The following DNAH2 variants were observed in gnomAD, a reference collection of about 807,000 sequenced individuals.
The protein encoded by DNAH2 is dynein axonemal heavy chain 2.
In DNAH2, 323 loss-of-function variants were observed where a neutral mutation model predicts 523.5. That is an observed-to-expected ratio of 0.62 (90% CI 0.56 to 0.68). The LOEUF (loss-of-function observed/expected upper bound fraction) is 0.68, where lower values mean the gene tolerates loss of function less well. DNAH2 is among the 30% of genes least tolerant of loss of function. DNAH2 has a pLI of 0.00. For missense variants in DNAH2, 4,907 were observed against 5,701.5 expected (o/e 0.86, Z 4.49); for synonymous variants, 2,093 against 2,177.4 (o/e 0.96, Z 1.08).
chr17:7,771,531 G>T, intron 28 of DNAH2, 63 bp downstream of exon 28: 2 of 1,582,270 alleles, frequency 1.3e-6, no homozygotes, highest in Non-Finnish European at 1.7e-6. Context: ...GGTCATGGTT[G>T]CGTGCTTCAT....
In DNAH2 at chr17:7,757,166, C is replaced by G. The variant is rs200940396; in HGVS notation, c.1980C>G (p.Asn660Lys). 2.5e-6 allele frequency: 4 copies of G among 1,614,172 alleles called. No homozygotes were observed. In the South Asian group the frequency reaches 4.4e-5, roughly 18 times the overall value. The change falls in exon 13 of 86, where the codon AAC becomes AAG. Residue 660 changes from asparagine to lysine, a missense_variant. Physicochemically the swap from Asn to Lys is moderately conservative, Grantham distance 94. This residue lies in a region of DNAH2 where 2,806 missense variants were observed against 3,190.8 expected (regional missense o/e 0.88). Coordinates refer to ENST00000572933, the MANE Select transcript of DNAH2 (RefSeq NM_020877.5). ...TTGAGACGCCCCATTACGTGGTGAA[C>G]GTAGCTGAGCGAGCCGAGGACCTGC... ...LLFETPHYVV[N>K]VAERAEDLRI...
rs1325988297 is a variant in DNAH2, at chr17:7,820,953, C to T, written c.11016-290C>T. Among the ~76,000 whole-genome samples, 5 of 152,094 alleles carry T rather than the reference C, an allele frequency of 3.3e-5. 1 individual carries two copies. Among genetic ancestry groups the T allele is most frequent in the South Asian group, 4.1e-4 (2 of 4,824 alleles). The stretch of plus-strand genomic sequence containing the variant: ...GCTTGGGAGCCTGACGCAGGAGAAT[C>T]GCTTGAACCTGGGAGGTGGAGGTTG... On this transcript the variant is annotated intron_variant, in intron 72 of 85. Transcript: ENST00000572933.
Position 7,833,490 on chromosome 17 carries a change from G to C in DNAH2, c.13241G>C (p.Trp4414Ser). Reference protein sequence around the residue: ...LRSGAMTPDHWIKRGTALLMS... With the variant: ...LRSGAMTPDHSIKRGTALLMS... ...TCTGGGGCCATGACACCTGATCATT[G>C]GATCAAGAGGGGCACTGCTCTACTC... The change falls in exon 86 of 86, where the codon TGG becomes TCG. Residue 4414 changes from tryptophan (W) to serine (S), a missense_variant. Physicochemically the swap from Trp to Ser is radical, Grantham distance 177 (BLOSUM62 -3). This residue lies in a region of DNAH2 where 1,851 missense variants were observed against 2,139.4 expected (regional missense o/e 0.87). Transcript: ENST00000572933. 6.2e-7 allele frequency: 1 copy of C among 1,614,074 alleles called. No individual in the cohort carries two copies. The highest frequency in any genetic ancestry group is 1.1e-5 in the South Asian group (1 of 91,082).
chr17:7,725,255 C>T (rs1355063883), intron 3 of DNAH2, among the ~76,000 whole-genome samples: 1 of 144,632 alleles, frequency 6.9e-6, no homozygotes, highest in Non-Finnish European at 1.5e-5. Context: ...ATGCTGGGGT[C>T]ATTTTTGTAT....
intron 8 of DNAH2, chr17:7,739,099 G>T: frequency 1.5e-6 from 1 of 674,026 alleles, no homozygotes; most frequent in East Asian, 2.8e-5. Context: ...GGGCAAACGG[G>T]GCAGAGGCTA....
Position 7,778,087 on chromosome 17 carries a change from A to G in DNAH2, c.5258A>G (p.Asp1753Gly), listed in dbSNP as rs2076505240. 2 of 1,613,820 alleles carry G rather than the reference A, an allele frequency of 1.2e-6. No homozygotes were observed. Among genetic ancestry groups the G allele is most frequent in the Middle Eastern group, 1.6e-4 (1 of 6,062 alleles). ...CGCTGTTTTCCCCAGGATCTTGATG[A>G]CTGTGTCATCCGCCAGACCAACACG... ...LRFYWEKDLD[D>G]CVIRQTNTQF... Residue 1753 changes from aspartate (D) to glycine (G), a missense_variant, in exon 34 of 86, where the codon GAC becomes GGC. By Grantham distance (94) the Asp-to-Gly change is moderately conservative. Around this residue, in one of 3 missense-constraint regions of DNAH2, gnomAD observed 2,806 missense variants for 3,190.8 expected, o/e 0.88. Coordinates refer to ENST00000572933, the MANE Select transcript of DNAH2 (RefSeq NM_020877.5).
At position 7,830,652 on chromosome 17, in the gene DNAH2, G is replaced by A. The variant is rs1035242264; in HGVS notation, c.12046-6G>A. The A allele has an allele frequency of 6.2e-7, 1 of 1,614,070 alleles. No homozygotes were observed. Among genetic ancestry groups the A allele is most frequent in the Non-Finnish European group, 8.5e-7 (1 of 1,179,944 alleles). On this transcript the variant is annotated splice_polypyrimidine_tract_variant and splice_region_variant and intron_variant, in intron 78 of 85. Transcript: ENST00000572933. ...GAATGGGGGCTTGGGCTGGGATCATGCCTAGGTGTCAGAAAACTTGCTGAG... is the reference window on the plus strand; with the variant it reads ...GAATGGGGGCTTGGGCTGGGATCATACCTAGGTGTCAGAAAACTTGCTGAG...
rs1555540880 is a variant in DNAH2 at position 7,741,323 on chromosome 17, CTCCTTCCT to C, written c.1689+361_1689+368del. On this transcript the variant is annotated intron_variant, in intron 11 of 85. Coordinates refer to ENST00000572933, the MANE Select transcript of DNAH2 (RefSeq NM_020877.5). ...CTTCCTTCCCTCCCTCCCTCCCTCC[CTCCTTCCT>C]TCCTTCCTTCCTTCCTTCCTTCCTT... Among the ~76,000 whole-genome samples, 39 of 59,354 alleles carry C rather than the reference CTCCTTCCT, an allele frequency of 6.6e-4. 1 individual carries two copies. The highest frequency in any genetic ancestry group is 3.4e-3 in the African/African-American group (37 of 10,726). 38.9% of individuals were successfully genotyped at this position (59,354 alleles called of 152,430 possible). A position where few individuals can be genotyped will look rare whatever the true frequency, so the allele number is the denominator to read the frequency against.
chr17:7,818,069 A>G lies in DNAH2; in HGVS notation c.10360A>G (p.Met3454Val), dbSNP rs780750533. 3.0e-5 allele frequency: 49 copies of G among 1,612,922 alleles called. No individual in the cohort carries two copies. Among genetic ancestry groups the G allele is most frequent in the Non-Finnish European group, 3.9e-5 (46 of 1,180,036 alleles). ...QEYLDPTLNP[M>V]LNKSVARIGG... The stretch of plus-strand genomic sequence containing the variant: ...ATATCTGGACCCCACACTGAACCCC[A>G]TGCTCAACAAATCTGTAGCCCGAAT... The change falls in exon 68 of 86, where the codon ATG becomes GTG. Residue 3454 changes from methionine (M) to valine (V), a missense_variant. Physicochemically the swap from Met to Val is conservative, Grantham distance 21 (BLOSUM62 1). Around this residue, in one of 3 missense-constraint regions of DNAH2, gnomAD observed 1,851 missense variants for 2,139.4 expected, o/e 0.87. Coordinates refer to ENST00000572933, the MANE Select transcript of DNAH2 (RefSeq NM_020877.5).
Position 7,824,202 on chromosome 17 carries a change from C to T in DNAH2, c.11560C>T (p.Leu3854=). The change falls in exon 76 of 86, where the codon CTG becomes TTG. Residue 3854 remains leucine, a synonymous_variant. Transcript: ENST00000572933. ...GVDPTSALLQ[L]AEHMGMAQRF... ...GGACCCCACCAGTGCCCTGCTGCAGCTGGCAGAGCACATGGGCATGGCCCA... is the reference window on the plus strand; with the variant it reads ...GGACCCCACCAGTGCCCTGCTGCAGTTGGCAGAGCACATGGGCATGGCCCA... 6.2e-7 allele frequency: 1 copy of T among 1,606,850 alleles called. No homozygotes were observed. The highest frequency in any genetic ancestry group is 8.5e-7 in the Non-Finnish European group (1 of 1,178,168).
rs1232242848 is a variant in DNAH2, at chr17:7,754,362, G to A, written c.1905-2729G>A. ...AGGCAGCCCAGGCTTCCGGTTCTAGGTGCTTCAGGAGCCGTGGCTTAAGGT... is the reference window on the plus strand; with the variant it reads ...AGGCAGCCCAGGCTTCCGGTTCTAGATGCTTCAGGAGCCGTGGCTTAAGGT... On this transcript the variant is annotated intron_variant, in intron 12 of 85. Transcript: ENST00000572933. This position sits in a 1 kb window ranked among gnomAD's most constrained non-coding sequence, Gnocchi z 4.6. 4.1e-6 allele frequency: 2 copies of A among 491,374 alleles called. No individual in the cohort carries two copies. The highest frequency in any genetic ancestry group is 3.6e-6 in the Non-Finnish European group (1 of 277,916). 30.4% of individuals were successfully genotyped at this position (491,374 alleles called of 1,614,324 possible).
In DNAH2 at chr17:7,765,438, A is replaced by G; in HGVS notation, c.3384A>G (p.Gln1128=). Residue 1128 remains glutamine, a synonymous_variant, in exon 21 of 86, where the codon CAA becomes CAG. Transcript: ENST00000572933. ...TCAACGGGGAGTGGGTTGTCTTCCA[A>G]CAAACTCTGCTGGACAGTAAGCAAA... ...DSLNGEWVVF[Q]QTLLDSKQML... is the part of the protein sequence containing the mutation. The G allele has an allele frequency of 6.2e-7, 1 of 1,614,236 alleles. No individual in the cohort carries two copies. The highest frequency in any genetic ancestry group is 8.5e-7 in the Non-Finnish European group (1 of 1,180,036).
In DNAH2 at chr17:7,804,409, T is replaced by C; in HGVS notation, c.9126T>C (p.Cys3042=). 1 of 1,614,118 alleles carries C rather than the reference T, an allele frequency of 6.2e-7. No homozygotes were observed. The highest frequency in any genetic ancestry group is 1.3e-5 in the African/African-American group (1 of 75,028). ...AGGTGGCTGAGTTCCAGAAGCAGTGTGAGGAGTACCTGGTCATCATTGTGC... is the reference window on the plus strand; with the variant it reads ...AGGTGGCTGAGTTCCAGAAGCAGTGCGAGGAGTACCTGGTCATCATTGTGC... ...KKKVAEFQKQ[C]EEYLVIIVQQ... Residue 3042 remains cysteine (C), a synonymous_variant, in exon 59 of 86, where the codon TGT becomes TGC. Transcript: ENST00000572933.
At chr17:7,738,620 C>G (rs1209094361) in intron 8 of DNAH2, among the ~76,000 whole-genome samples, 1 of 152,206 alleles carries the variant, frequency 6.6e-6, no homozygotes, top group Non-Finnish European at 1.5e-5. Context: ...TGAGCCACCA[C>G]GCCCTGCCTG....
At chr17:7,826,837 G>A (rs950716282) in intron 77 of DNAH2, among the ~76,000 whole-genome samples, 1 of 151,966 alleles carries the variant, frequency 6.6e-6, no homozygotes, top group African/African-American at 2.4e-5. Context: ...ACCGCACCCG[G>A]CCCATCATCC....
At position 7,832,288 on chromosome 17, in the gene DNAH2, A is replaced by T. The variant is rs977726961; in HGVS notation, c.12727-291A>T. On this transcript the variant is annotated intron_variant, in intron 82 of 85. Coordinates refer to ENST00000572933, the MANE Select transcript of DNAH2 (RefSeq NM_020877.5). The surrounding 1 kb of genome is among the most constrained non-coding windows in gnomAD (Gnocchi z 4.3). ...TTTGGGAGGCTGAGGCGGGCAGATC[A>T]CCTGAGTTTAGGAGTTTGAGACCAG... is the stretch of plus-strand genomic sequence containing the variant. Among the ~76,000 whole-genome samples, 1 of 151,936 alleles carries T rather than the reference A, an allele frequency of 6.6e-6. No homozygotes were observed. The highest frequency in any genetic ancestry group is 1.5e-5 in the Non-Finnish European group (1 of 67,988).
Position 7,831,350 on chromosome 17 carries a change from G to C in DNAH2, c.12459+36G>C. The C allele has an allele frequency of 1.2e-6, 2 of 1,613,968 alleles. No homozygotes were observed. Among genetic ancestry groups the C allele is most frequent in the Non-Finnish European group, 1.7e-6 (2 of 1,179,952 alleles). On this transcript the variant is annotated intron_variant, in intron 80 of 85. Coordinates refer to ENST00000572933, the MANE Select transcript of DNAH2 (RefSeq NM_020877.5). This position sits in a 1 kb window ranked among gnomAD's most constrained non-coding sequence, Gnocchi z 4.2. Reference sequence around the variant, plus strand: ...CCGGGCCTGGGGGAGGGAAAGTGATGAGAAGAGGGGGCTACACTCAAGAGC... The same window carrying C: ...CCGGGCCTGGGGGAGGGAAAGTGATCAGAAGAGGGGGCTACACTCAAGAGC...
chr17:7,833,266 T>A, intron 85 of DNAH2, 45 bp downstream of exon 85: 1 of 1,607,088 alleles, frequency 6.2e-7, no homozygotes, highest in African/African-American at 1.3e-5. Context: ...CGTCCCTAGT[T>A]TGGAACTTAA....
In DNAH2 at chr17:7,831,864, A is replaced by C; in HGVS notation, c.12726+89A>C. 2 of 1,222,156 alleles carry C rather than the reference A, an allele frequency of 1.6e-6. No homozygotes were observed. 75.7% of individuals were successfully genotyped at this position (1,222,156 alleles called of 1,614,324 possible). A position where few individuals can be genotyped will look rare whatever the true frequency, so the allele number is the denominator to read the frequency against. On this transcript the variant is annotated intron_variant, in intron 82 of 85. Coordinates refer to ENST00000572933, the MANE Select transcript of DNAH2 (RefSeq NM_020877.5). This position sits in a 1 kb window ranked among gnomAD's most constrained non-coding sequence, Gnocchi z 4.2. The stretch of plus-strand genomic sequence containing the variant: ...CAATCTCCTGGTTCTAGGTGGGCAT[A>C]AAGCAAACTGCAGAGAGCCGAAACT...
Sources: gnomAD v4.1 joint callset for allele counts (sites outside exome capture counted in the v4.1 genomes callset) on GRCh38, gnomAD v4.1.1 for gene constraint, gnomAD v4.1.1 regional missense constraint, Gnocchi (gnomAD v3.1) non-coding constraint, MANE v1.5 for transcripts, NCBI Gene and HGNC (gene_info 2026-07-23, HGNC 2026-07-21) for gene names.